Variants in ESR1 observed in about 807,000 individuals in gnomAD.
ESR1 encodes the protein estrogen receptor.
In ESR1, 12 loss-of-function variants were observed where a neutral mutation model predicts 52.7. The observed-to-expected ratio is 0.23, with a 90% CI of 0.15 to 0.37. ESR1 has a LOEUF of 0.37. Among genes scored for constraint, ESR1 ranks in the 10% least tolerant of loss-of-function variants. ESR1 has a pLI of 1.00. For missense variants in ESR1, 584 were observed against 779.7 expected (o/e 0.75, Z 2.99); for synonymous variants, 305 against 316.8 (o/e 0.96, Z 0.39).
intron 1 of ESR1, among the ~76,000 whole-genome samples, chr6:151,660,480 G>T (rs1343740956): frequency 6.6e-6 from 1 of 152,140 alleles, no homozygotes; most frequent in Non-Finnish European, 1.5e-5. Context: ...TCATGGGGTT[G>T]TTGTGAGGGT....
At chr6:151,895,654 C>A (rs1047091369) in intron 3 of ESR1, among the ~76,000 whole-genome samples, 1 of 152,070 alleles carries the variant, frequency 6.6e-6, no homozygotes, top group Non-Finnish European at 1.5e-5. Context: ...GATGGTCATG[C>A]GATTTTTGTT....
chr6:151,678,230 T>C (rs1023908664), intron 1 of ESR1, among the ~76,000 whole-genome samples: 1 of 152,132 alleles, frequency 6.6e-6, no homozygotes, highest in African/African-American at 2.4e-5. Flanking sequence ...CCCAGCACTT[T>C]GGGAAGCTGA....
chr6:152,109,213 C>T (rs2051102252), intron 6 of ESR1, among the ~76,000 whole-genome samples: 1 of 152,176 alleles, frequency 6.6e-6, no homozygotes, highest in African/African-American at 2.4e-5. Context: ...CAGGCCCCAC[C>T]TCCAACACTA....
At chr6:151,991,258 T>G (rs992908262) in intron 4 of ESR1, among the ~76,000 whole-genome samples, 2 of 152,342 alleles carry the variant, frequency 1.3e-5, no homozygotes, top group Non-Finnish European at 2.9e-5. Flanking sequence ...TAGCCTCATG[T>G]TCCTGAACTT....
At position 152,022,271 on chromosome 6, in the gene ESR1, G is replaced by C. The variant is rs1050762877; in HGVS notation, c.1235+10477G>C. Among the ~76,000 whole-genome samples the C allele has an allele frequency of 3.9e-5, 6 of 152,214 alleles. No homozygotes were observed. In the Middle Eastern group the frequency reaches 0.01, roughly 259 times the overall value. ...TGGAAAGGAAGATTTCCAGATTTGCGGTATTGGCGACTGAAAGGATGGCAA... is the reference window on the plus strand; with the variant it reads ...TGGAAAGGAAGATTTCCAGATTTGCCGTATTGGCGACTGAAAGGATGGCAA... On this transcript the variant is annotated intron_variant, in intron 5 of 7. Coordinates refer to ENST00000206249, the MANE Select transcript of ESR1 (RefSeq NM_000125.4).
chr6:151,951,494 G>T (rs1394259838), intron 4 of ESR1, among the ~76,000 whole-genome samples: 1 of 152,164 alleles, frequency 6.6e-6, no homozygotes, highest in Non-Finnish European at 1.5e-5. Flanking sequence ...CATAGATAGT[G>T]TGATTCATCT....
chr6:151,939,312 T>C (rs538734695), intron 3 of ESR1, among the ~76,000 whole-genome samples: 4 of 152,328 alleles, frequency 2.6e-5, no homozygotes, highest in African/African-American at 9.6e-5. Flanking sequence ...GCTTTTCCCC[T>C]GAGAGTTAAC....
At chr6:151,943,934 T>C (rs2035408963) in intron 3 of ESR1, among the ~76,000 whole-genome samples, 1 of 152,170 alleles carries the variant, frequency 6.6e-6, no homozygotes. Context: ...ATGGTGGTGG[T>C]ATTTACACCA....
intron 1 of ESR1, among the ~76,000 whole-genome samples, chr6:151,827,640 T>G (rs1781735011): frequency 6.6e-6 from 1 of 152,196 alleles, no homozygotes; most frequent in Admixed American, 6.5e-5. Flanking sequence ...TGATGACTAT[T>G]TTTAAAAGTC....
chr6:151,736,614 G>C (rs536750209), intron 2 of ESR1, among the ~76,000 whole-genome samples: 34 of 151,960 alleles, frequency 2.2e-4, no homozygotes, highest in Admixed American at 3.9e-4. Flanking sequence ...CCTGAGCTCA[G>C]GTGATCCACC....
intron 6 of ESR1, among the ~76,000 whole-genome samples, chr6:152,074,900 C>T (rs2048614976): frequency 6.6e-6 from 1 of 152,122 alleles, no homozygotes; most frequent in South Asian, 2.1e-4. Context: ...GGTGAGGTGT[C>T]TGTTAAACTC....
intron 1 of ESR1, among the ~76,000 whole-genome samples, chr6:151,818,632 T>C (rs1039497826): frequency 1.3e-5 from 2 of 152,152 alleles, no homozygotes; most frequent in African/African-American, 2.4e-5. Flanking sequence ...AAAACACTGA[T>C]GAGAAGTTTC....
chr6:151,853,583 T>G (rs1399588212), intron 2 of ESR1, among the ~76,000 whole-genome samples: 1 of 152,178 alleles, frequency 6.6e-6, no homozygotes, highest in Non-Finnish European at 1.5e-5. Flanking sequence ...ACAAATAAAA[T>G]CAGTATAGAA....
upstream of ESR1, among the ~76,000 whole-genome samples, chr6:151,799,679 G>A (rs190637413): frequency 1.3e-5 from 2 of 152,340 alleles, no homozygotes; most frequent in Non-Finnish European, 2.9e-5. Context: ...AGCATGATAA[G>A]TAGTATAATG....
chr6:151,968,635 T>C (rs3020318), intron 4 of ESR1, among the ~76,000 whole-genome samples: 77,769 of 151,992 alleles, frequency 0.51, 23,007 homozygotes, highest in Middle Eastern at 0.71. Context: ...CAGTGGTCCA[T>C]GGTGGTCTAT....
chr6:151,794,491 A>C (rs770054436), intron 2 of ESR1, among the ~76,000 whole-genome samples: 6 of 152,196 alleles, frequency 3.9e-5, no homozygotes, highest in Non-Finnish European at 8.8e-5. Context: ...GATTACTTCC[A>C]AATTTTTTTT....
intron 2 of ESR1, among the ~76,000 whole-genome samples, chr6:151,749,614 TC>T (rs1218787411): frequency 1.3e-5 from 2 of 152,186 alleles, no homozygotes; most frequent in Admixed American, 6.5e-5. Context: ...ACACATTACT[TC>T]TGAAAATACA....
At chr6:151,842,195 C>G (rs1031090254) in intron 1 of ESR1, among the ~76,000 whole-genome samples, 1 of 152,090 alleles carries the variant, frequency 6.6e-6, no homozygotes, top group African/African-American at 2.4e-5. Flanking sequence ...TCCAAATGTC[C>G]CAGCTGTTTT....
Position 151,962,968 on chromosome 6 carries a change from A to T in ESR1, c.1096+18460A>T, listed in dbSNP as rs145529938. ...AAGCATATAGTTTTGCATAGATTTG[A>T]GTTCGCTGTTACAGTGTCCTTTTAT... On this transcript the variant is annotated intron_variant, in intron 4 of 7. Coordinates refer to ENST00000206249, the MANE Select transcript of ESR1 (RefSeq NM_000125.4). 3.7e-3 allele frequency among the ~76,000 whole-genome samples: 562 copies of T among 152,264 alleles called. 2 individuals carry two copies. Among genetic ancestry groups the T allele is most frequent in the Non-Finnish European group, 7.1e-3 (486 of 68,022 alleles).
Sources: allele counts gnomAD v4.1 joint callset (sites outside exome capture counted in the v4.1 genomes callset), GRCh38; gene constraint gnomAD v4.1.1; transcripts MANE v1.5; gene names NCBI Gene and HGNC (gene_info 2026-07-23, HGNC 2026-07-21).